CCZ1B: variants seen among roughly 807,000 people sequenced by gnomAD.
CCZ1B encodes CCZ1B vacuolar protein trafficking and biogenesis associated, also known as vacuolar fusion protein CCZ1 homolog B.
A neutral mutation model predicts 58.8 loss-of-function variants in CCZ1B; 25 were observed. That is an observed-to-expected ratio of 0.43 (90% CI 0.31 to 0.59). CCZ1B has a LOEUF of 0.59. CCZ1B is among the 20% of genes least tolerant of loss of function. The pLI, the probability that CCZ1B is intolerant of heterozygous loss-of-function variation, is 0.12. For synonymous variants in CCZ1B, 66 were observed against 173.2 expected (o/e 0.38, Z 4.86); for missense variants, 180 against 501.5 (o/e 0.36, Z 6.12).
At chr7:6,822,567 A>C in intron 5 of CCZ1B, 1 of 1,028,520 alleles carries the variant, frequency 9.7e-7, no homozygotes, top group Non-Finnish European at 1.3e-6. Flanking sequence ...GTTTTATGAA[A>C]CCACCTAATT....
chr7:6,815,686 C>T (rs370573171), intron 7 of CCZ1B, among the ~76,000 whole-genome samples: 1 of 149,088 alleles, frequency 6.7e-6, no homozygotes, highest in Admixed American at 6.7e-5. Flanking sequence ...TAAACTTCAG[C>T]CCAGGCACTG....
chr7:6,815,672 G>C (rs963404362), intron 7 of CCZ1B, among the ~76,000 whole-genome samples: 3 of 148,954 alleles, frequency 2.0e-5, no homozygotes, highest in Non-Finnish European at 3.0e-5. Flanking sequence ...GGAAGGTAAA[G>C]AGTTAAACTT....
At chr7:6,821,739 A>C (rs911593859) in intron 6 of CCZ1B, among the ~76,000 whole-genome samples, 4 of 151,334 alleles carry the variant, frequency 2.6e-5, no homozygotes, top group Non-Finnish European at 5.9e-5. Context: ...AAAAAAAGAT[A>C]AACTGAGCTT....
intron 7 of CCZ1B, among the ~76,000 whole-genome samples, chr7:6,815,318 A>G (rs569956868): frequency 1.9e-4 from 28 of 148,102 alleles, no homozygotes; most frequent in Non-Finnish European, 3.7e-4. Context: ...GGCATGCGCC[A>G]CCATCAGCTA....
chr7:6,821,531 G>A (rs1259055026), intron 6 of CCZ1B, among the ~76,000 whole-genome samples: 1 of 152,302 alleles, frequency 6.6e-6, no homozygotes, highest in African/African-American at 2.4e-5. Context: ...GTTTTAGAAA[G>A]TCGAATTCAA....
intron 10 of CCZ1B, chr7:6,811,674 C>G (rs1782918988): frequency 4.7e-5 from 16 of 342,694 alleles, no homozygotes; most frequent in South Asian, 4.4e-4. Flanking sequence ...GCAGCACCAA[C>G]CTCTGACAGC....
rs530575394 is a variant in CCZ1B, at chr7:6,808,517, C to T, written c.955-2480G>A. On this transcript the variant is annotated intron_variant, in intron 10 of 14. Transcript: ENST00000316731. ...GGCCCTGCCCCACACGCCTCTTCCC[C>T]GGGCTGATTTTAACCTGTATTCTTC... Among the ~76,000 whole-genome samples the T allele has an allele frequency of 1.0e-3, 152 of 150,590 alleles. 2 individuals carry two copies. The highest frequency in any genetic ancestry group is 3.6e-3 in the African/African-American group (145 of 40,132).
rs1406451841 is a variant in CCZ1B, at chr7:6,818,674, AAAG to A, written c.698+1089_698+1091del. Among the ~76,000 whole-genome samples the A allele has an allele frequency of 7.5e-5, 6 of 79,654 alleles. No homozygotes were observed. The South Asian group carries it at 1.6e-3, about 22-fold the overall frequency. 52.3% of individuals were successfully genotyped at this position (79,654 alleles called of 152,430 possible). A position where few individuals can be genotyped will look rare whatever the true frequency, so the allele number is the denominator to read the frequency against. On this transcript the variant is annotated intron_variant, in intron 7 of 14. Coordinates refer to ENST00000316731, the MANE Select transcript of CCZ1B (RefSeq NM_198097.5). ...GACAGAAAGAAAGACAGACAGAAAG[AAAG>A]AAAGAAAGAAAGAAAGACAAGAAAG...
intron 7 of CCZ1B, among the ~76,000 whole-genome samples, chr7:6,815,549 C>T (rs1228744928): frequency 1.3e-5 from 2 of 148,698 alleles, no homozygotes; most frequent in Non-Finnish European, 3.0e-5. Flanking sequence ...CTGCAGCCAC[C>T]GATTCCCAGG....
At chr7:6,813,776 T>C (rs1363497193) in intron 8 of CCZ1B, among the ~76,000 whole-genome samples, 1 of 149,334 alleles carries the variant, frequency 6.7e-6, no homozygotes, top group East Asian at 1.9e-4. Context: ...CTCCTGTTGA[T>C]AGAGGAAAAT....
At chr7:6,811,007 C>G (rs1437258362) in intron 10 of CCZ1B, among the ~76,000 whole-genome samples, 1 of 151,446 alleles carries the variant, frequency 6.6e-6, no homozygotes, top group Non-Finnish European at 1.5e-5. Flanking sequence ...GTTAGCCACT[C>G]TGGGTCTCTT....
chr7:6,803,721 T>G (rs1168843109), intron 12 of CCZ1B, among the ~76,000 whole-genome samples: 3 of 148,514 alleles, frequency 2.0e-5, no homozygotes, highest in Non-Finnish European at 3.0e-5. Context: ...CCCAGCACTT[T>G]GGGAGGCCGA....
At position 6,812,008 on chromosome 7, in the gene CCZ1B, T is replaced by G. The variant is rs746119774; in HGVS notation, c.898A>C (p.Lys300Gln). ...NDPDAKCRFP[K>Q]IFVNTDDTYE... ...GTGTCATCTGTATTTACAAAAATTT[T>G]GGGGAATCTGCATTTTGCATCTGGA... Residue 300 changes from lysine to glutamine, a missense_variant, in exon 10 of 15, where the codon AAA becomes CAA. By Grantham distance (53) the Lys-to-Gln change is moderately conservative. Coordinates refer to ENST00000316731, the MANE Select transcript of CCZ1B (RefSeq NM_198097.5). The G allele has an allele frequency of 5.1e-6, 8 of 1,582,416 alleles. No homozygotes were observed. The African/African-American group carries it at 5.7e-5, about 11-fold the overall frequency.
chr7:6,822,766 A>G (rs1198016803), intron 5 of CCZ1B, among the ~76,000 whole-genome samples: 4 of 137,108 alleles, frequency 2.9e-5, no homozygotes, highest in African/African-American at 1.1e-4. Flanking sequence ...CAGTGGTGCA[A>G]TCACAGTTCA....
chr7:6,820,309 G>A (rs183502617), intron 6 of CCZ1B, among the ~76,000 whole-genome samples: 2,825 of 149,046 alleles, frequency 0.019, 59 homozygotes, highest in African/African-American at 0.066. Flanking sequence ...CTCCTGAGCA[G>A]CTGGGACTAC....
chr7:6,822,963 C>G (rs946797498), intron 5 of CCZ1B, among the ~76,000 whole-genome samples: 1 of 146,418 alleles, frequency 6.8e-6, no homozygotes, highest in Non-Finnish European at 1.5e-5. Flanking sequence ...ACCTTAGCCT[C>G]CCAGAATGCT....
chr7:6,823,366 G>T lies in CCZ1B; in HGVS notation c.391-6C>A, dbSNP rs559322816. ...ACCGAGCTATAAACCTTGTCCTGCA[G>T]ACGCGAAAACACAGCACACAGCTCA... On this transcript the variant is annotated splice_region_variant and splice_polypyrimidine_tract_variant and intron_variant, in intron 4 of 14. Coordinates refer to ENST00000316731, the MANE Select transcript of CCZ1B (RefSeq NM_198097.5). 7.8e-5 allele frequency: 125 copies of T among 1,607,876 alleles called. 3 individuals carry two copies. In the South Asian group the frequency reaches 1.3e-3, roughly 17 times the overall value.
intron 8 of CCZ1B, 29 bp from the exon 9 acceptor site, chr7:6,813,066 C>T: frequency 6.8e-7 from 1 of 1,469,918 alleles, no homozygotes; most frequent in South Asian, 1.2e-5. Flanking sequence ...TTGAGAATGA[C>T]TTATCAGACT....
At chr7:6,820,454 G>C (rs1278190944) in intron 6 of CCZ1B, among the ~76,000 whole-genome samples, 3 of 149,076 alleles carry the variant, frequency 2.0e-5, no homozygotes, top group Non-Finnish European at 4.4e-5. Context: ...TGGGATTAGA[G>C]GTGTGAGCCA....
Sources: gnomAD v4.1 joint callset for allele counts (sites outside exome capture counted in the v4.1 genomes callset) on GRCh38, gnomAD v4.1.1 for gene constraint, MANE v1.5 for transcripts, NCBI Gene and HGNC (gene_info 2026-07-23, HGNC 2026-07-21) for gene names.